Variants in RPRD2 observed in about 807,000 individuals in gnomAD.
RPRD2 encodes regulation of nuclear pre-mRNA domain-containing protein 2.
RPRD2 carries 12 observed loss-of-function variants against 104.4 expected under a neutral mutation model. The ratio of observed to expected loss-of-function variants is 0.11; its 90% confidence interval spans 0.07 to 0.19. The LOEUF (loss-of-function observed/expected upper bound fraction) is 0.19, where lower values mean the gene tolerates loss of function less well. Ranked by LOEUF, RPRD2 falls within the 10% of genes least tolerant of loss-of-function variation. The pLI is 1.00. For missense variants in RPRD2, 1,543 were observed against 1,790.1 expected (o/e 0.86, Z 2.49); for synonymous variants, 714 against 684.9 (o/e 1.04, Z -0.66).
intron 1 of RPRD2, among the ~76,000 whole-genome samples, chr1:150,392,342 G>A (rs1260106374): frequency 6.6e-5 from 10 of 151,942 alleles, no homozygotes; most frequent in Admixed American, 5.9e-4. Context: ...CCATCTCTAC[G>A]AAAAATACAA....
At chr1:150,449,367 C>T (rs1027189613) in intron 7 of RPRD2, among the ~76,000 whole-genome samples, 3 of 152,062 alleles carry the variant, frequency 2.0e-5, no homozygotes, top group Non-Finnish European at 2.9e-5. Context: ...TTTGACTTTG[C>T]AGTGTTTAGT....
In RPRD2 at chr1:150,441,855, A is replaced by C. The variant is rs781871871; in HGVS notation, c.437-26A>C. 1.3e-5 allele frequency: 20 copies of C among 1,590,828 alleles called. No individual in the cohort carries two copies. The South Asian group carries it at 2.1e-4, about 17-fold the overall frequency. ...ACAGAACAGCTTCCCATAATGCCAG[A>C]TTGCAAAAACTGAAATGTTTTCCAG... On this transcript the variant is annotated intron_variant, in intron 3 of 10. Coordinates refer to ENST00000369068, the MANE Select transcript of RPRD2 (RefSeq NM_015203.5).
intron 7 of RPRD2, among the ~76,000 whole-genome samples, chr1:150,451,674 CAAAA>C (rs35644538): frequency 9.4e-6 from 1 of 106,906 alleles, no homozygotes; most frequent in Admixed American, 1.0e-4. Context: ...GACTCCGTCT[CAAAA>C]AAAAAAAAAA....
At chr1:150,417,010 T>A (rs1438553430) in intron 1 of RPRD2, among the ~76,000 whole-genome samples, 1 of 152,138 alleles carries the variant, frequency 6.6e-6, no homozygotes, top group Non-Finnish European at 1.5e-5. Flanking sequence ...ATGGGAAGAC[T>A]AAGACGTATC....
chr1:150,448,578 A>G (rs1252727677), intron 7 of RPRD2, among the ~76,000 whole-genome samples: 1 of 152,224 alleles, frequency 6.6e-6, no homozygotes, highest in African/African-American at 2.4e-5. Context: ...TTTTTCAAAA[A>G]GCTTACATTA....
chr1:150,370,798 C>G (rs1282048805), intron 1 of RPRD2, among the ~76,000 whole-genome samples: 1 of 151,788 alleles, frequency 6.6e-6, no homozygotes, highest in African/African-American at 2.4e-5. Context: ...CTGGTCTCAA[C>G]CTCCTAAGCT....
intron 1 of RPRD2, among the ~76,000 whole-genome samples, chr1:150,383,313 T>G (rs1423876730): frequency 1.0e-4 from 15 of 149,696 alleles, no homozygotes; most frequent in Admixed American, 2.7e-4. Flanking sequence ...GAGGTTTTTT[T>G]TTTTTTTTTT....
chr1:150,385,808 T>A (rs1222895213), intron 1 of RPRD2, among the ~76,000 whole-genome samples: 3 of 152,208 alleles, frequency 2.0e-5, no homozygotes, highest in Non-Finnish European at 4.4e-5. Flanking sequence ...TTGGCCAACT[T>A]GACTAAGATG....
At chr1:150,369,741 G>A (rs1172033454) in intron 1 of RPRD2, among the ~76,000 whole-genome samples, 1 of 147,966 alleles carries the variant, frequency 6.8e-6, no homozygotes, top group Non-Finnish European at 1.5e-5. Context: ...ACAGGCGTGA[G>A]CCACTGTGCC....
intron 2 of RPRD2, among the ~76,000 whole-genome samples, chr1:150,424,178 C>T (rs1664954879): frequency 6.6e-6 from 1 of 152,236 alleles, no homozygotes; most frequent in Non-Finnish European, 1.5e-5. Context: ...GTGTGAAGTC[C>T]TACTCCTACA....
In RPRD2 at chr1:150,472,498, A is replaced by G; in HGVS notation, c.3550A>G (p.Asn1184Asp). ...FQESVGSFRS[N>D]SFNSTFEHHL... is the part of the protein sequence containing the mutation. ...GGAGAGTGTCGGCAGCTTTCGTTCC[A>G]ACAGTTTCAACTCAACATTTGAGCA... Residue 1184 changes from asparagine (N) to aspartate (D), a missense_variant, in exon 11 of 11, where the codon AAC becomes GAC. Physicochemically the swap from Asn to Asp is conservative, Grantham distance 23. This residue lies in a region of RPRD2 where 880 missense variants were observed against 885.6 expected (regional missense o/e 0.99). Coordinates refer to ENST00000369068, the MANE Select transcript of RPRD2 (RefSeq NM_015203.5). The G allele has an allele frequency of 6.2e-7, 1 of 1,613,926 alleles. No homozygotes were observed. Among genetic ancestry groups the G allele is most frequent in the East Asian group, 2.2e-5 (1 of 44,868 alleles).
intron 7 of RPRD2, among the ~76,000 whole-genome samples, chr1:150,455,915 G>T (rs1667494778): frequency 6.6e-6 from 1 of 152,096 alleles, no homozygotes; most frequent in African/African-American, 2.4e-5. Flanking sequence ...GGCTCAAGCA[G>T]TCCTCCCACC....
intron 1 of RPRD2, among the ~76,000 whole-genome samples, chr1:150,375,972 T>G (rs1415995177): frequency 1.3e-5 from 2 of 152,206 alleles, no homozygotes; most frequent in South Asian, 2.1e-4. Context: ...CAGATATTAA[T>G]TATAGAACAC....
chr1:150,378,276 A>G (rs1428603783), intron 1 of RPRD2, among the ~76,000 whole-genome samples: 1 of 152,224 alleles, frequency 6.6e-6, no homozygotes, highest in Non-Finnish European at 1.5e-5. Flanking sequence ...TATGTAAATT[A>G]CACTGGTGAC....
In RPRD2 at chr1:150,364,963, G is replaced by A. The variant is rs150892573; in HGVS notation, c.205+44G>A. On this transcript the variant is annotated intron_variant, in intron 1 of 10. Transcript: ENST00000369068. ...TAGGGAAGGGAAGACTGGGGAAATG[G>A]AAGGAAGTGTGGCCTGAAACGCTTG... is the stretch of plus-strand genomic sequence containing the variant. 9.6e-5 allele frequency: 154 copies of A among 1,598,628 alleles called. No individual in the cohort carries two copies. The Admixed American group carries it at 2.5e-3, about 26-fold the overall frequency.
chr1:150,461,137 G>A (rs587757755), intron 9 of RPRD2, among the ~76,000 whole-genome samples: 195 of 151,792 alleles, frequency 1.3e-3, no homozygotes, highest in Admixed American at 4.1e-3. Flanking sequence ...GCTCATGCCT[G>A]TAATCCCAGC....
At chr1:150,377,536 G>A (rs1206435596) in intron 1 of RPRD2, among the ~76,000 whole-genome samples, 1 of 151,400 alleles carries the variant, frequency 6.6e-6, no homozygotes, top group Non-Finnish European at 1.5e-5. Context: ...AGACAGAGCT[G>A]GCAGTGAGCC....
In RPRD2 at chr1:150,457,522, G is replaced by A; in HGVS notation, c.1105G>A (p.Glu369Lys). The change falls in exon 8 of 11, where the codon GAA (glutamate) becomes AAA (lysine). Residue 369 changes from glutamate to lysine, a missense_variant. Glu to Lys is a moderately conservative substitution (Grantham distance 56). Transcript: ENST00000369068. Reference sequence around the variant, plus strand: ...ACCTGTGACAGATAATCGTGATGTGGAAGACATGGAACTCTCAGATGTGGA... The same window carrying A: ...ACCTGTGACAGATAATCGTGATGTGAAAGACATGGAACTCTCAGATGTGGA... Reference protein sequence around the residue: ...PEPVTDNRDVEDMELSDVEDD... With the variant: ...PEPVTDNRDVKDMELSDVEDD... 6.2e-7 allele frequency: 1 copy of A among 1,613,926 alleles called. No homozygotes were observed. The highest frequency in any genetic ancestry group is 1.1e-5 in the South Asian group (1 of 91,072).
intron 2 of RPRD2, among the ~76,000 whole-genome samples, chr1:150,423,777 G>A (rs1191000580): frequency 6.7e-6 from 1 of 148,188 alleles, no homozygotes; most frequent in Non-Finnish European, 1.5e-5. Flanking sequence ...CAAATATTCC[G>A]AAATCTGAAA....
Sources: gnomAD v4.1 joint callset for allele counts (sites outside exome capture counted in the v4.1 genomes callset) on GRCh38, gnomAD v4.1.1 for gene constraint, gnomAD v4.1.1 regional missense constraint, MANE v1.5 for transcripts, NCBI Gene and HGNC (gene_info 2026-07-23, HGNC 2026-07-21) for gene names.